Variants in EDIL3 observed in about 807,000 individuals in gnomAD.
EDIL3 encodes EGF like and discoidin domains 3.
Under a neutral mutation model 67.4 loss-of-function variants are expected in EDIL3, and 37 were observed. That is an observed-to-expected ratio of 0.55 (90% confidence interval 0.42 to 0.72). The LOEUF (loss-of-function observed/expected upper bound fraction) is 0.72, where lower values mean the gene tolerates loss of function less well. Ranked by LOEUF, EDIL3 falls within the 30% of genes least tolerant of loss-of-function variation. The pLI, the probability that EDIL3 is intolerant of heterozygous loss-of-function variation, is 0.00. For missense variants in EDIL3, 527 were observed against 586.3 expected (o/e 0.90, Z 1.04); for synonymous variants, 195 against 196.3 (o/e 0.99, Z 0.05).
chr5:84,207,943 C>T (rs1175670442), intron 3 of EDIL3, among the ~76,000 whole-genome samples: 22 of 152,042 alleles, frequency 1.4e-4, no homozygotes, highest in Admixed American at 1.4e-3. Context: ...CCATAAAAAC[C>T]CGAGAAGAAA....
intron 4 of EDIL3, among the ~76,000 whole-genome samples, chr5:84,146,501 C>T (rs1208340589): frequency 6.6e-6 from 1 of 152,072 alleles, no homozygotes; most frequent in Non-Finnish European, 1.5e-5. Flanking sequence ...GTTCTCAAAA[C>T]GTTGATAATA....
intron 4 of EDIL3, among the ~76,000 whole-genome samples, chr5:84,172,152 T>C (rs1370346886): frequency 6.6e-6 from 1 of 152,206 alleles, no homozygotes; most frequent in Non-Finnish European, 1.5e-5. Flanking sequence ...AATTTCTCGA[T>C]TCTAGTCTGA....
chr5:84,368,325 T>C (rs1848807), intron 1 of EDIL3, among the ~76,000 whole-genome samples: 1,771 of 152,228 alleles, frequency 0.012, 41 homozygotes, highest in African/African-American at 0.041. Context: ...ACATATATGG[T>C]GAGAGGATTT....
At chr5:84,288,132 T>C (rs1745845586) in intron 1 of EDIL3, among the ~76,000 whole-genome samples, 2 of 152,188 alleles carry the variant, frequency 1.3e-5, no homozygotes, top group Admixed American at 1.3e-4. Context: ...TCATCTCAGT[T>C]AACGTCAACT....
intron 3 of EDIL3, 49 bp downstream of exon 3, chr5:84,229,806 A>G: frequency 6.4e-7 from 1 of 1,560,022 alleles, no homozygotes; most frequent in Non-Finnish European, 8.7e-7. Context: ...CTCTATTATT[A>G]AAGGCATGAC....
intron 6 of EDIL3, among the ~76,000 whole-genome samples, chr5:84,072,633 A>G (rs1280991432): frequency 6.6e-6 from 1 of 152,242 alleles, no homozygotes; most frequent in Non-Finnish European, 1.5e-5. Context: ...GTATCCTACA[A>G]GTATGAGTAA....
rs372144212 is a variant in EDIL3, at chr5:84,270,564, A to G, written c.68-16352T>C. ...TAGAACAATTCTTATTTTCATTAAT[A>G]TGTATACTGAGAGGGTGAAATTTGT... On this transcript the variant is annotated intron_variant, in intron 1 of 10. Transcript: ENST00000296591. Among the ~76,000 whole-genome samples the G allele has an allele frequency of 4.7e-4, 72 of 152,342 alleles. 1 individual carries two copies. The East Asian group carries it at 0.011, about 23-fold the overall frequency.
At chr5:84,029,390 G>C (rs144816988) in intron 9 of EDIL3, among the ~76,000 whole-genome samples, 3,347 of 152,222 alleles carry the variant, frequency 0.022, 112 homozygotes, top group African/African-American at 0.075. Context: ...GGCCTCCCCA[G>C]CCATGTGGAA....
intron 4 of EDIL3, among the ~76,000 whole-genome samples, chr5:84,155,586 T>A (rs1561447791): frequency 6.6e-6 from 1 of 152,232 alleles, no homozygotes; most frequent in Non-Finnish European, 1.5e-5. Flanking sequence ...TTAAATCCAT[T>A]CTCCATGTTC....
intron 1 of EDIL3, among the ~76,000 whole-genome samples, chr5:84,363,139 T>C (rs1002120145): frequency 4.6e-5 from 7 of 152,050 alleles, no homozygotes; most frequent in Non-Finnish European, 7.4e-5. Flanking sequence ...AGAGGGAAAA[T>C]CTCAATAATG....
intron 3 of EDIL3, among the ~76,000 whole-genome samples, chr5:84,194,092 T>A (rs1423342672): frequency 1.3e-5 from 2 of 151,986 alleles, no homozygotes; most frequent in Non-Finnish European, 2.9e-5. Flanking sequence ...AAGGCTTATT[T>A]GGTCTGGAGA....
At chr5:84,209,442 ATAAC>A (rs2112387949) in intron 3 of EDIL3, among the ~76,000 whole-genome samples, 1 of 152,286 alleles carries the variant, frequency 6.6e-6, no homozygotes, top group East Asian at 1.9e-4. Context: ...ATATTGCTTG[ATAAC>A]TAAAAAAAGA....
chr5:84,134,616 C>G (rs1187478929), intron 5 of EDIL3, among the ~76,000 whole-genome samples: 1 of 152,122 alleles, frequency 6.6e-6, no homozygotes, highest in African/African-American at 2.4e-5. Flanking sequence ...CCTTTTTACT[C>G]TAGATTTTCT....
At chr5:84,255,860 C>G (rs1437063741) in intron 1 of EDIL3, among the ~76,000 whole-genome samples, 1 of 152,098 alleles carries the variant, frequency 6.6e-6, no homozygotes, top group African/African-American at 2.4e-5. Context: ...TTTAGCGTGG[C>G]TGGACCATGG....
intron 3 of EDIL3, among the ~76,000 whole-genome samples, chr5:84,204,372 T>C (rs1743913848): frequency 6.6e-6 from 1 of 152,194 alleles, no homozygotes; most frequent in African/African-American, 2.4e-5. Context: ...GCACAGATGT[T>C]ATTTACTTTT....
At chr5:84,112,542 G>A (rs1747582544) in intron 5 of EDIL3, among the ~76,000 whole-genome samples, 1 of 152,174 alleles carries the variant, frequency 6.6e-6, no homozygotes, top group African/African-American at 2.4e-5. Context: ...TGGATTGAAT[G>A]TGGGAGGATC....
chr5:84,090,954 C>CAA (rs70975540), intron 6 of EDIL3, among the ~76,000 whole-genome samples: 38 of 140,188 alleles, frequency 2.7e-4, no homozygotes, highest in African/African-American at 7.2e-4. Context: ...CTCAAAAAAA[C>CAA]AAAAAAAAAA....
At chr5:84,283,819 C>A (rs1745754881) in intron 1 of EDIL3, among the ~76,000 whole-genome samples, 1 of 152,066 alleles carries the variant, frequency 6.6e-6, no homozygotes, top group South Asian at 2.1e-4. Flanking sequence ...AGTCATATGT[C>A]TCTATGAGAT....
At chr5:84,024,906 C>A (rs1745784512) in intron 9 of EDIL3, among the ~76,000 whole-genome samples, 1 of 151,782 alleles carries the variant, frequency 6.6e-6, no homozygotes, top group Non-Finnish European at 1.5e-5. Context: ...CATTAAGAGC[C>A]AACATGACAA....
Sources: gnomAD v4.1 joint callset for allele counts (sites outside exome capture counted in the v4.1 genomes callset) on GRCh38, gnomAD v4.1.1 for gene constraint, MANE v1.5 for transcripts, NCBI Gene and HGNC (gene_info 2026-07-23, HGNC 2026-07-21) for gene names.